SORCS2: variants seen among roughly 807,000 people sequenced by gnomAD.
SORCS2 encodes the protein VPS10 domain-containing receptor SorCS2.
A neutral mutation model predicts 141.6 loss-of-function variants in SORCS2; 100 were observed. The observed-to-expected ratio is 0.71, with a 90% CI of 0.60 to 0.83. The LOEUF is 0.83. SORCS2 is among the 40% of genes least tolerant of loss of function. The pLI is 0.00. For synonymous variants in SORCS2, 789 were observed against 676.9 expected (o/e 1.17, Z -2.57); for missense variants, 1,646 against 1,560.2 (o/e 1.05, Z -0.93).
chr4:7,369,747 T>A (rs1722130837), intron 1 of SORCS2, among the ~76,000 whole-genome samples: 1 of 152,082 alleles, frequency 6.6e-6, no homozygotes, highest in Non-Finnish European at 1.5e-5. Flanking sequence ...AGGTTCTCCC[T>A]CCCCGTGGAG....
chr4:7,737,375 G>A lies in SORCS2; in HGVS notation c.3415+203G>A, dbSNP rs142299725. Among the ~76,000 whole-genome samples the A allele has an allele frequency of 8.9e-4, 136 of 152,124 alleles. 1 individual carries two copies. The highest frequency in any genetic ancestry group is 3.0e-3 in the African/African-American group (126 of 41,504). ...GATGACGGGACCTGACAGGGCTGCC[G>A]GCAGAGATGAAATCTGAGACATGTG... On this transcript the variant is annotated intron_variant, in intron 26 of 26. Transcript: ENST00000507866.
intron 1 of SORCS2, among the ~76,000 whole-genome samples, chr4:7,273,700 T>A (rs539797382): frequency 6.6e-6 from 1 of 152,150 alleles, no homozygotes; most frequent in African/African-American, 2.4e-5. Flanking sequence ...TCCTGAAGAG[T>A]GAATGCAGAC....
intron 3 of SORCS2, among the ~76,000 whole-genome samples, chr4:7,585,064 T>C (rs1009004817): frequency 1.3e-5 from 2 of 152,176 alleles, no homozygotes; most frequent in Non-Finnish European, 2.9e-5. Flanking sequence ...TGTCAGAGTC[T>C]CAGAAATTGC....
chr4:7,546,767 G>A (rs1713295703), intron 3 of SORCS2, among the ~76,000 whole-genome samples: 1 of 152,322 alleles, frequency 6.6e-6, no homozygotes, highest in East Asian at 1.9e-4. Context: ...TAAGCAAGAA[G>A]TGGGATTTAA....
chr4:7,374,439 G>A lies in SORCS2; in HGVS notation c.481-21849G>A, dbSNP rs138619210. Among the ~76,000 whole-genome samples, 1,206 of 152,188 alleles carry A rather than the reference G, an allele frequency of 7.9e-3. 28 individuals carry two copies. The highest frequency in any genetic ancestry group is 0.079 in the South Asian group (381 of 4,810). On this transcript the variant is annotated intron_variant, in intron 1 of 26. Coordinates refer to ENST00000507866, the MANE Select transcript of SORCS2 (RefSeq NM_020777.3). ...ATCATGAGCAAGGTGGATTTCTCCC[G>A]TTGCAATGAAAATCGGGTGCCACGC...
intron 1 of SORCS2, among the ~76,000 whole-genome samples, chr4:7,332,856 G>T (rs1167506043): frequency 6.6e-6 from 1 of 152,210 alleles, no homozygotes; most frequent in East Asian, 1.9e-4. Context: ...GCAGGATGTG[G>T]ACTCTGCCAC....
Position 7,328,331 on chromosome 4 carries a change from C to T in SORCS2, c.481-67957C>T, listed in dbSNP as rs188021724. On this transcript the variant is annotated intron_variant, in intron 1 of 26. Coordinates refer to ENST00000507866, the MANE Select transcript of SORCS2 (RefSeq NM_020777.3). Reference sequence around the variant, plus strand: ...GTTTACAGGCATGAGCCACCGCACCCGGCCCGTGCTAGGCTTCTGATAGAT... The same window carrying T: ...GTTTACAGGCATGAGCCACCGCACCTGGCCCGTGCTAGGCTTCTGATAGAT... Among the ~76,000 whole-genome samples the T allele has an allele frequency of 4.6e-3, 703 of 151,942 alleles. 1 individual carries two copies. The highest frequency in any genetic ancestry group is 6.8e-3 in the Non-Finnish European group (462 of 67,968).
intron 3 of SORCS2, among the ~76,000 whole-genome samples, chr4:7,556,788 A>C (rs4298141): frequency 0.97 from 142,272 of 146,260 alleles, 69,306 homozygotes; most frequent in East Asian, 1. Context: ...ACCCACCCAC[A>C]CATCCATCCA....
At chr4:7,464,406 G>T (rs1409646591) in intron 2 of SORCS2, among the ~76,000 whole-genome samples, 7 of 152,202 alleles carry the variant, frequency 4.6e-5, no homozygotes, top group African/African-American at 1.7e-4. Context: ...AGGGGCTGTG[G>T]TCTATTCAGG....
At chr4:7,405,493 G>A (rs1724910122) in intron 2 of SORCS2, among the ~76,000 whole-genome samples, 1 of 152,040 alleles carries the variant, frequency 6.6e-6, no homozygotes, top group Admixed American at 6.5e-5. Flanking sequence ...AGTATGAAAT[G>A]TTTTTTCATT....
chr4:7,354,097 A>G (rs1001899479), intron 1 of SORCS2, among the ~76,000 whole-genome samples: 2 of 152,246 alleles, frequency 1.3e-5, no homozygotes, highest in South Asian at 4.1e-4. Context: ...GCATGAGTTG[A>G]GATCTCTTTC....
At chr4:7,263,496 G>C (rs941782264) in intron 1 of SORCS2, among the ~76,000 whole-genome samples, 6 of 152,232 alleles carry the variant, frequency 3.9e-5, no homozygotes, top group Non-Finnish European at 8.8e-5. Context: ...GGAAGGAGCC[G>C]GGCGTGTCCG....
chr4:7,206,629 G>A (rs1727757544), intron 1 of SORCS2, among the ~76,000 whole-genome samples: 1 of 152,158 alleles, frequency 6.6e-6, no homozygotes, highest in African/African-American at 2.4e-5. Context: ...GGAGTCCTGG[G>A]CAGAGGGGAA....
intron 2 of SORCS2, among the ~76,000 whole-genome samples, chr4:7,459,304 C>G (rs1440454386): frequency 6.6e-6 from 1 of 152,120 alleles, no homozygotes; most frequent in Non-Finnish European, 1.5e-5. Flanking sequence ...GAGAAGGCAT[C>G]TCTCCCAACC....
chr4:7,713,027 G>C (rs991164433), intron 15 of SORCS2, among the ~76,000 whole-genome samples, 174 bp downstream of exon 15: 2 of 152,076 alleles, frequency 1.3e-5, no homozygotes, highest in African/African-American at 4.8e-5. Context: ...GGCTTTTCCA[G>C]ACCCTTCTCG....
chr4:7,540,078 T>C (rs1246167756), intron 3 of SORCS2, among the ~76,000 whole-genome samples: 1 of 30,574 alleles, frequency 3.3e-5, no homozygotes, highest in Non-Finnish European at 6.2e-5. Context: ...CCGCCCCTCC[T>C]GTTATGGAGG....
chr4:7,406,306 T>A (rs763350808), intron 2 of SORCS2, among the ~76,000 whole-genome samples: 1 of 151,746 alleles, frequency 6.6e-6, no homozygotes, highest in Non-Finnish European at 1.5e-5. Flanking sequence ...TTGAGTAGGA[T>A]TGGTATCAGT....
intron 2 of SORCS2, among the ~76,000 whole-genome samples, chr4:7,513,636 A>C (rs1260563318): frequency 1.3e-5 from 2 of 152,122 alleles, no homozygotes; most frequent in Non-Finnish European, 2.9e-5. Flanking sequence ...TTCCAGAGAG[A>C]TGGATCCCTG....
At chr4:7,712,025 T>C (rs1725853442) in intron 14 of SORCS2, among the ~76,000 whole-genome samples, 1 of 152,148 alleles carries the variant, frequency 6.6e-6, no homozygotes, top group Non-Finnish European at 1.5e-5. Flanking sequence ...TCCAGTGTGC[T>C]TGGGGTTCAG....
Sources: allele counts gnomAD v4.1 joint callset (sites outside exome capture counted in the v4.1 genomes callset), GRCh38; gene constraint gnomAD v4.1.1; transcripts MANE v1.5; gene names NCBI Gene and HGNC (gene_info 2026-07-23, HGNC 2026-07-21).